CHD4: variants seen among roughly 807,000 people sequenced by gnomAD.
CHD4 encodes ATP-dependent chromatin remodeler CHD4.
In CHD4, 35 loss-of-function variants were observed where a neutral mutation model predicts 235.5. That is an observed-to-expected ratio of 0.15 (90% CI 0.11 to 0.20). CHD4 has a LOEUF of 0.20. Among genes scored for constraint, CHD4 ranks in the 10% least tolerant of loss-of-function variants. The pLI, the probability that CHD4 is intolerant of heterozygous loss-of-function variation, is 1.00. For missense variants in CHD4, 1,329 were observed against 2,432.3 expected (o/e 0.55, Z 9.54); for synonymous variants, 900 against 850.2 (o/e 1.06, Z -1.02).
At chr12:6,589,873 T>C (rs1948361505) in intron 22 of CHD4, among the ~76,000 whole-genome samples, 1 of 151,870 alleles carries the variant, frequency 6.6e-6, no homozygotes, top group Non-Finnish European at 1.5e-5. Context: ...TTAAGAGACA[T>C]TCTACAAAAT....
chr12:6,591,474 C>T lies in CHD4; in HGVS notation c.3332G>A (p.Arg1111His), dbSNP rs1299788328. 1 of 1,611,422 alleles carries T rather than the reference C, an allele frequency of 6.2e-7. No individual in the cohort carries two copies. ...TGNMRQEAID[R>H]FNAPGAQQFC... is the part of the protein sequence containing the mutation. ...AACTCCTTCTCTCTCACCATTGAAG[C>T]GGTCAATGGCCTCTTGCCGCATGTT... Residue 1111 changes from arginine to histidine, a missense_variant, in exon 22 of 40, where the codon CGC (arginine) becomes CAC (histidine). Physicochemically the swap from Arg to His is conservative, Grantham distance 29 (BLOSUM62 0). Transcript: ENST00000544040.
chr12:6,594,745 C>G (rs1302618772), intron 14 of CHD4, 95 bp from the exon 15 acceptor site: 1 of 1,161,170 alleles, frequency 8.6e-7, no homozygotes, highest in South Asian at 1.6e-5. Flanking sequence ...TTCACGGATC[C>G]TCTTGGGGAA....
In CHD4 at chr12:6,573,284, A is replaced by G; in HGVS notation, c.5362-15T>C. On this transcript the variant is annotated splice_polypyrimidine_tract_variant and intron_variant, in intron 37 of 39. Transcript: ENST00000544040. The stretch of plus-strand genomic sequence containing the variant: ...TGTTCTAAGAGCTGGACAAGGGATA[A>G]GAGGAAACGGGAGTTCGACTGATAA... 1.3e-6 allele frequency: 2 copies of G among 1,532,942 alleles called. No homozygotes were observed. The highest frequency in any genetic ancestry group is 4.7e-5 in the Admixed American group (2 of 42,348). The allele number at this position is 1,532,942 out of a possible 1,614,324, so 95.0% of individuals were successfully genotyped here. A position where few individuals can be genotyped will look rare whatever the true frequency, so the allele number is the denominator to read the frequency against.
chr12:6,593,284 C>G lies in CHD4; in HGVS notation c.2515-56G>C, dbSNP rs1948432481. Reference sequence around the variant, plus strand: ...GTCAGTTCCTCTGTGTAAGCACAACCAGGAGACTGATGGAATGTTTTCCTC... The same window carrying G: ...GTCAGTTCCTCTGTGTAAGCACAACGAGGAGACTGATGGAATGTTTTCCTC... On this transcript the variant is annotated intron_variant, in intron 16 of 39. Coordinates refer to ENST00000544040, the MANE Select transcript of CHD4 (RefSeq NM_001273.5). This position sits in a 1 kb window ranked among gnomAD's most constrained non-coding sequence, Gnocchi z 4.9. The G allele has an allele frequency of 1.2e-6, 2 of 1,609,596 alleles. No individual in the cohort carries two copies. Among genetic ancestry groups the G allele is most frequent in the African/African-American group, 2.7e-5 (2 of 74,858 alleles).
At chr12:6,599,735 T>C (rs767452064) in intron 10 of CHD4, 38 bp downstream of exon 10, 3 of 1,613,316 alleles carry the variant, frequency 1.9e-6, no homozygotes, top group Admixed American at 3.3e-5. Flanking sequence ...AAGACTACAC[T>C]TTCCCATTTT....
intron 2 of CHD4, among the ~76,000 whole-genome samples, chr12:6,605,084 T>C (rs1249810164): frequency 6.6e-6 from 1 of 152,122 alleles, no homozygotes; most frequent in African/African-American, 2.4e-5. Flanking sequence ...CTCTCCTAAA[T>C]GGCCTCAGGT....
chr12:6,587,083 T>G, intron 25 of CHD4: 1 of 337,712 alleles, frequency 3.0e-6, no homozygotes, highest in Non-Finnish European at 5.4e-6. Context: ...AGAGATGAGG[T>G]AGCATTCAAA....
At chr12:6,582,384 C>A in intron 29 of CHD4, 103 bp from the exon 30 acceptor site, 1 of 1,393,142 alleles carries the variant, frequency 7.2e-7, no homozygotes, top group Non-Finnish European at 9.7e-7. Context: ...ACTATGGCTC[C>A]ACCTTGAGGT....
rs1947954934 is a variant in CHD4, at chr12:6,570,894, C to T, written c.5696G>A (p.Arg1899Gln). 1.2e-6 allele frequency: 2 copies of T among 1,613,936 alleles called. No homozygotes were observed. Among genetic ancestry groups the T allele is most frequent in the Non-Finnish European group, 1.7e-6 (2 of 1,180,008 alleles). ...CTGCTGTGGGGTAGGTTCGGGTGCC[C>T]GGTTTGCCAGGCGGCTGAGAATGTT... The part of the protein sequence containing the change: ...ERNILSRLAN[R>Q]APEPTPQQVA... The change falls in exon 39 of 40, where the codon CGG becomes CAG. Residue 1899 changes from arginine (R) to glutamine (Q), a missense_variant. Coordinates refer to ENST00000544040, the MANE Select transcript of CHD4 (RefSeq NM_001273.5).
At position 6,593,722 on chromosome 12, in the gene CHD4, C is replaced by T. The variant is rs947165128; in HGVS notation, c.2314-106G>A. 1 of 965,898 alleles carries T rather than the reference C, an allele frequency of 1.0e-6. No individual in the cohort carries two copies. Among genetic ancestry groups the T allele is most frequent in the Non-Finnish European group, 1.6e-6 (1 of 637,636 alleles). The allele number at this position is 965,898 out of a possible 1,614,324, so 59.8% of individuals were successfully genotyped here. ...CCTCAAGCTGAGCCAAGGACTGACA[C>T]ACCTGCGCTGCTGCTCCTGCTCTCA... is the stretch of plus-strand genomic sequence containing the variant. On this transcript the variant is annotated intron_variant, in intron 15 of 39. Transcript: ENST00000544040. The surrounding 1 kb of genome is among the most constrained non-coding windows in gnomAD (Gnocchi z 4.9).
At position 6,606,677 on chromosome 12, in the gene CHD4, G is replaced by A. The variant is rs984658622; in HGVS notation, c.-78-226C>T. 9 of 288,572 alleles carry A rather than the reference G, an allele frequency of 3.1e-5. No homozygotes were observed. The Admixed American group carries it at 3.8e-4, about 12-fold the overall frequency. The allele number at this position is 288,572 out of a possible 1,614,324, so 17.9% of individuals were successfully genotyped here. On this transcript the variant is annotated intron_variant, in intron 1 of 39. Transcript: ENST00000544040. ...GCGACGCCTCCGAGGGCAGGCTGGT[G>A]CAAGCGCGGGGAGGGGAGACGCGGG...
chr12:6,594,749 T>C (rs1350769516), intron 14 of CHD4, 99 bp from the exon 15 acceptor site: 1 of 1,112,170 alleles, frequency 9.0e-7, no homozygotes. Flanking sequence ...CGGATCCTCT[T>C]GGGGAAGAGC....
chr12:6,592,074 G>A lies in CHD4; in HGVS notation c.2949-17C>T. 1.2e-6 allele frequency: 2 copies of A among 1,613,940 alleles called. No individual in the cohort carries two copies. Among genetic ancestry groups the A allele is most frequent in the Non-Finnish European group, 1.7e-6 (2 of 1,179,996 alleles). On this transcript the variant is annotated splice_polypyrimidine_tract_variant and intron_variant, in intron 19 of 39. Transcript: ENST00000544040. ...TAGTATTTCCTACATGGGCAAGGTAGAAAGACAGGTTAGACTTGAGAGCCT... is the reference window on the plus strand; with the variant it reads ...TAGTATTTCCTACATGGGCAAGGTAAAAAGACAGGTTAGACTTGAGAGCCT...
At chr12:6,575,441 C>CT (rs1249235230) in intron 37 of CHD4, among the ~76,000 whole-genome samples, 7 of 123,956 alleles carry the variant, frequency 5.6e-5, no homozygotes, top group African/African-American at 2.3e-4. Flanking sequence ...CTGAGTAAGA[C>CT]TTTGTCTCAA....
At chr12:6,591,168 G>T in intron 22 of CHD4, 1 of 200,074 alleles carries the variant, frequency 5.0e-6, no homozygotes, top group Non-Finnish European at 9.7e-6. Flanking sequence ...AGCGTCTACT[G>T]AGGCAGACAA....
rs1016665832 is a variant in CHD4 at position 6,593,926 on chromosome 12, C to A, written c.2314-310G>T. On this transcript the variant is annotated intron_variant, in intron 15 of 39. Coordinates refer to ENST00000544040, the MANE Select transcript of CHD4 (RefSeq NM_001273.5). This position sits in a 1 kb window ranked among gnomAD's most constrained non-coding sequence, Gnocchi z 4.9. ...TCTCAGCTCACTGCAACCTCCACCTCCCGGGTTCAAGCGATTCTCCTGCCT... is the reference window on the plus strand; with the variant it reads ...TCTCAGCTCACTGCAACCTCCACCTACCGGGTTCAAGCGATTCTCCTGCCT... Among the ~76,000 whole-genome samples the A allele has an allele frequency of 2.0e-5, 3 of 152,196 alleles. No homozygotes were observed. Among genetic ancestry groups the A allele is most frequent in the Non-Finnish European group, 2.9e-5 (2 of 68,034 alleles).
Position 6,598,414 on chromosome 12 carries a change from C to T in CHD4, c.1494G>A (p.Leu498=). 1.9e-6 allele frequency: 3 copies of T among 1,597,406 alleles called. No homozygotes were observed. The highest frequency in any genetic ancestry group is 3.5e-5 in the Admixed American group (2 of 56,684). Reference sequence around the variant, plus strand: ...TTAGGATCTTCTGCACTTTGCCCTTCAGAGCTGGACACTGAGAGAAAAAGA... The same window carrying T: ...TTAGGATCTTCTGCACTTTGCCCTTTAGAGCTGGACACTGAGAGAAAAAGA... ...WLCPRCTCPA[L]KGKVQKILIW... Residue 498 remains leucine (L), a synonymous_variant, in exon 11 of 40, where the codon CTG becomes CTA. Transcript: ENST00000544040.
intron 27 of CHD4, 34 bp from the exon 28 acceptor site, chr12:6,582,970 G>C: frequency 6.2e-7 from 1 of 1,609,264 alleles, no homozygotes. Context: ...AGTGACACAG[G>C]TAGGATATTA....
In CHD4 at chr12:6,582,920, A is replaced by G; in HGVS notation, c.4164T>C (p.Ser1388=). The G allele has an allele frequency of 6.2e-7, 1 of 1,614,076 alleles. No homozygotes were observed. Among genetic ancestry groups the G allele is most frequent in the Non-Finnish European group, 8.5e-7 (1 of 1,180,030 alleles). ...DERSEAPRRP[S]RKGLRNDKDK... Reference sequence around the variant, plus strand: ...CTTTATCATTCCGCAGGCCCTTACGACTGGGCCTACGGGGAGCTGCAAGAA... The same window carrying G: ...CTTTATCATTCCGCAGGCCCTTACGGCTGGGCCTACGGGGAGCTGCAAGAA... Residue 1388 remains serine (S), a synonymous_variant, in exon 28 of 40, where the codon AGT becomes AGC. Coordinates refer to ENST00000544040, the MANE Select transcript of CHD4 (RefSeq NM_001273.5).
Sources: gnomAD v4.1 joint callset for allele counts (sites outside exome capture counted in the v4.1 genomes callset) on GRCh38, gnomAD v4.1.1 for gene constraint, Gnocchi (gnomAD v3.1) non-coding constraint, MANE v1.5 for transcripts, NCBI Gene and HGNC (gene_info 2026-07-23, HGNC 2026-07-21) for gene names.